FSD2: variants seen among roughly 807,000 people sequenced by gnomAD.
The protein encoded by FSD2 is fibronectin type III and SPRY domain containing 2.
In FSD2, 71 loss-of-function variants were observed where a neutral mutation model predicts 80.4. The ratio of observed to expected loss-of-function variants is 0.88; its 90% CI spans 0.73 to 1.08. The LOEUF is 1.08. Ranked by LOEUF, FSD2 falls within the 50% of genes least tolerant of loss-of-function variation. The pLI, the probability that FSD2 is intolerant of heterozygous loss-of-function variation, is 0.00. For missense variants in FSD2, 923 were observed against 913.8 expected (o/e 1.01, Z -0.13); for synonymous variants, 361 against 329.5 (o/e 1.10, Z -1.03).
Position 82,764,492 on chromosome 15 carries a change from C to CTTTTTTTTTTTTTTTT in FSD2, c.1820+658_1820+673dup, listed in dbSNP as rs60095355. ...CTCTTGTTGCTTCATTCTTTACTTG[C>CTTTTTTTTTTTTTTTT]TTTTTTTTTTTTTTTTTTTTGAGAA... On this transcript the variant is annotated intron_variant, in intron 11 of 12. Coordinates refer to ENST00000334574, the MANE Select transcript of FSD2 (RefSeq NM_001007122.4). Among the ~76,000 whole-genome samples, 158 of 86,124 alleles carry CTTTTTTTTTTTTTTTT rather than the reference C, an allele frequency of 1.8e-3. 17 individuals carry two copies. The highest frequency in any genetic ancestry group is 4.3e-3 in the African/African-American group (90 of 20,840). 56.5% of individuals were successfully genotyped at this position (86,124 alleles called of 152,430 possible).
At chr15:82,801,742 A>G (rs1248878450) in intron 1 of FSD2, among the ~76,000 whole-genome samples, 3 of 152,234 alleles carry the variant, frequency 2.0e-5, no homozygotes, top group Admixed American at 6.5e-5. Context: ...CCACTCTCCA[A>G]TGCTCCAAAA....
At chr15:82,774,785 G>A (rs1222198017) in intron 6 of FSD2, among the ~76,000 whole-genome samples, 9 of 150,958 alleles carry the variant, frequency 6.0e-5, no homozygotes, top group African/African-American at 2.2e-4. Flanking sequence ...GCAGTGGTGC[G>A]ATCTCGGCTC....
intron 1 of FSD2, among the ~76,000 whole-genome samples, chr15:82,797,245 A>G (rs936399747): frequency 1.3e-5 from 2 of 152,216 alleles, no homozygotes; most frequent in Admixed American, 6.5e-5. Flanking sequence ...ATAGATCACT[A>G]TGTACTTTTT....
intron 1 of FSD2, among the ~76,000 whole-genome samples, chr15:82,793,950 T>C (rs1255866521): frequency 1.3e-5 from 2 of 152,076 alleles, no homozygotes; most frequent in Non-Finnish European, 2.9e-5. Context: ...TAATCTGCTT[T>C]TGGTTTCTTT....
At chr15:82,796,106 A>G (rs180868867) in intron 1 of FSD2, 99 of 144,278 alleles carry the variant, frequency 6.9e-4, no homozygotes, top group African/African-American at 2.5e-3. Flanking sequence ...GTTTCAAGTG[A>G]TTCTCCTGAC....
At chr15:82,763,873 T>C (rs148670927) in intron 11 of FSD2, among the ~76,000 whole-genome samples, 214 of 152,342 alleles carry the variant, frequency 1.4e-3, no homozygotes, top group African/African-American at 4.9e-3. Context: ...ATCTTCCACC[T>C]CTTCCCGTCA....
intron 4 of FSD2, among the ~76,000 whole-genome samples, chr15:82,781,648 CGTGAA>C (rs1300869098): frequency 6.6e-6 from 1 of 151,952 alleles, no homozygotes; most frequent in East Asian, 1.9e-4. Flanking sequence ...TGTCTGAGTT[CGTGAA>C]GTAAGATTTT....
In FSD2 at chr15:82,783,045, A is replaced by G. The variant is rs1301367569; in HGVS notation, c.736-20T>C. 3 of 1,547,926 alleles carry G rather than the reference A, an allele frequency of 1.9e-6. No homozygotes were observed. Among genetic ancestry groups the G allele is most frequent in the Non-Finnish European group, 1.8e-6 (2 of 1,124,508 alleles). ...ATTCTCCTGCAAGACAGTTGATCTC[A>G]GTCATCATTTCAGCGCATGTAGTGT... On this transcript the variant is annotated intron_variant, in intron 3 of 12. Transcript: ENST00000334574.
At chr15:82,759,686 G>A in intron 12 of FSD2, 86 bp from the exon 13 acceptor site, 1 of 1,197,366 alleles carries the variant, frequency 8.4e-7, no homozygotes, top group Non-Finnish European at 1.1e-6. Flanking sequence ...TTTATTCATA[G>A]TCCTATGATT....
intron 1 of FSD2, among the ~76,000 whole-genome samples, chr15:82,801,662 A>G (rs2050415721): frequency 6.6e-6 from 1 of 152,174 alleles, no homozygotes; most frequent in South Asian, 2.1e-4. Context: ...GGTTTCAGAG[A>G]TCTGGATCCT....
intron 1 of FSD2, among the ~76,000 whole-genome samples, chr15:82,805,246 A>C (rs1954241596): frequency 6.7e-6 from 1 of 149,788 alleles, no homozygotes; most frequent in African/African-American, 2.5e-5. Flanking sequence ...CTTGTTTATT[A>C]ACCTTTTATG....
chr15:82,788,977 T>TA lies in FSD2; in HGVS notation c.-78-1510dup, dbSNP rs35788113. On this transcript the variant is annotated intron_variant, in intron 1 of 12. Transcript: ENST00000334574. ...CTGGGCGACAGAGCAAGACTCTGTCTAAAAAAAAAAAAAAAGTGTTCATAC... is the reference window on the plus strand; with the variant it reads ...CTGGGCGACAGAGCAAGACTCTGTCTAAAAAAAAAAAAAAAAGTGTTCATAC... Among the ~76,000 whole-genome samples the TA allele has an allele frequency of 5.2e-3, 721 of 137,386 alleles. 1 individual carries two copies. The highest frequency in any genetic ancestry group is 7.8e-3 in the Middle Eastern group (2 of 256). 90.1% of individuals were successfully genotyped at this position (137,386 alleles called of 152,430 possible).
At chr15:82,794,971 G>A (rs777383908) in intron 1 of FSD2, among the ~76,000 whole-genome samples, 6 of 152,218 alleles carry the variant, frequency 3.9e-5, no homozygotes, top group East Asian at 1.9e-4. Context: ...TGATCTGCCC[G>A]CCTGGGCCTC....
Position 82,762,116 on chromosome 15 carries a change from T to C in FSD2, c.1983A>G (p.Thr661=), listed in dbSNP as rs375033642. ...ANCLSWCMRH[T]FASSRHKYEF... Reference sequence around the variant, plus strand: ...TTTTACTTTACCTTGATGATGCAAATGTGTGCCTCATGCACCAGGAGAGGC... The same window carrying C: ...TTTTACTTTACCTTGATGATGCAAACGTGTGCCTCATGCACCAGGAGAGGC... The change falls in exon 12 of 13, where the codon ACA becomes ACG. Residue 661 remains threonine (T), a synonymous_variant. Transcript: ENST00000334574. 1.2e-6 allele frequency: 2 copies of C among 1,601,870 alleles called. No homozygotes were observed. The highest frequency in any genetic ancestry group is 4.5e-5 in the East Asian group (2 of 44,562).
At position 82,787,136 on chromosome 15, in the gene FSD2, T is replaced by C. The variant is rs756021982; in HGVS notation, c.255A>G (p.Glu85=). The C allele has an allele frequency of 6.2e-7, 1 of 1,614,056 alleles. No individual in the cohort carries two copies. Among genetic ancestry groups the C allele is most frequent in the Non-Finnish European group, 8.5e-7 (1 of 1,179,896 alleles). The change falls in exon 2 of 13, where the codon GAA becomes GAG. Residue 85 remains glutamate (E), a synonymous_variant. Transcript: ENST00000334574. ...VHLYGLEDDH[E]LGDEFVDENI... is the part of the protein sequence containing the mutation. The stretch of plus-strand genomic sequence containing the variant: ...TTTCATCAACAAACTCATCCCCTAA[T>C]TCATGATCATCTTCAAGTCCATATA...
chr15:82,768,947 TC>T lies in FSD2; in HGVS notation c.1485del (p.Asn496IlefsTer10). 1 of 1,608,686 alleles carries T rather than the reference TC, an allele frequency of 6.2e-7. No individual in the cohort carries two copies. Among genetic ancestry groups the T allele is most frequent in the Non-Finnish European group, 8.5e-7 (1 of 1,177,652 alleles). ...TCCACAGTGTACGAGTCCACAGGAT[TC>T]AGGTTCCCAGACTCCCAGCAAATCA... The part of the protein sequence containing the change: ...AVLICWESGN[L>X]NPVDSYTVEL... On this transcript the variant is annotated frameshift_variant, in exon 9 of 13. Transcript: ENST00000334574. LOFTEE classifies it high-confidence loss of function.
intron 1 of FSD2, among the ~76,000 whole-genome samples, chr15:82,798,734 C>T (rs1415900100): frequency 6.6e-6 from 1 of 152,120 alleles, no homozygotes; most frequent in African/African-American, 2.4e-5. Flanking sequence ...TCAACAAGTT[C>T]GTCGGCTTCC....
chr15:82,780,876 C>A (rs541064231), intron 4 of FSD2, among the ~76,000 whole-genome samples: 1 of 152,136 alleles, frequency 6.6e-6, no homozygotes, highest in Non-Finnish European at 1.5e-5. Flanking sequence ...TTCCATACCA[C>A]AGTACTGCTT....
rs377350096 is a variant in FSD2 at position 82,782,738 on chromosome 15, T to A, written c.966+57A>T. ...ACCTCAACCATAACTGTCGTTTCCGTTTATAATTCCATCTCTTTCCATTAT... is the reference window on the plus strand; with the variant it reads ...ACCTCAACCATAACTGTCGTTTCCGATTATAATTCCATCTCTTTCCATTAT... On this transcript the variant is annotated intron_variant, in intron 4 of 12. Transcript: ENST00000334574. 88 of 1,434,732 alleles carry A rather than the reference T, an allele frequency of 6.1e-5. 2 individuals carry two copies. In the South Asian group the frequency reaches 7.9e-4, roughly 13 times the overall value. 88.9% of individuals were successfully genotyped at this position (1,434,732 alleles called of 1,614,324 possible).
Sources: allele counts gnomAD v4.1 joint callset (sites outside exome capture counted in the v4.1 genomes callset), GRCh38; gene constraint gnomAD v4.1.1; transcripts MANE v1.5; gene names NCBI Gene and HGNC (gene_info 2026-07-23, HGNC 2026-07-21).